CADM2: variants seen among roughly 807,000 people sequenced by gnomAD.
CADM2 encodes cell adhesion molecule 2, also known as immunoglobulin superfamily member 4D.
Under a neutral mutation model 49.8 loss-of-function variants are expected in CADM2, and 12 were observed. The ratio of observed to expected loss-of-function variants is 0.24; its 90% CI spans 0.15 to 0.39. The LOEUF (loss-of-function observed/expected upper bound fraction) is 0.39. CADM2 is among the 10% of genes least tolerant of loss of function. The pLI is 1.00. For missense variants in CADM2, 378 were observed against 492.3 expected (o/e 0.77, Z 2.20); for synonymous variants, 214 against 175.4 (o/e 1.22, Z -1.74).
intron 1 of CADM2, among the ~76,000 whole-genome samples, chr3:85,006,841 T>G (rs2033755893): frequency 6.6e-6 from 1 of 152,212 alleles, no homozygotes; most frequent in African/African-American, 2.4e-5. Context: ...TTAATTTGTC[T>G]ACTTTCTTTA....
chr3:85,928,092 A>G (rs1387051616), intron 6 of CADM2, among the ~76,000 whole-genome samples: 1 of 152,130 alleles, frequency 6.6e-6, no homozygotes, highest in Non-Finnish European at 1.5e-5. Context: ...CAGTCATTCA[A>G]ATGGAAAGTG....
At chr3:85,068,030 C>T (rs2036585833) in intron 1 of CADM2, among the ~76,000 whole-genome samples, 1 of 152,064 alleles carries the variant, frequency 6.6e-6, no homozygotes. Flanking sequence ...AGTCAGCAAA[C>T]TCCCAAAGGG....
chr3:86,058,965 A>G (rs1206892234), intron 8 of CADM2, among the ~76,000 whole-genome samples: 1 of 151,762 alleles, frequency 6.6e-6, no homozygotes, highest in Admixed American at 6.6e-5. Flanking sequence ...ATGGTGATGC[A>G]TGCCTATAAT....
chr3:85,826,171 C>T (rs1268610910), intron 3 of CADM2, among the ~76,000 whole-genome samples: 1 of 151,952 alleles, frequency 6.6e-6, no homozygotes, highest in Non-Finnish European at 1.5e-5. Flanking sequence ...TGATATGACT[C>T]ATTTATTATA....
In CADM2 at chr3:85,913,528, T is replaced by A. The variant is rs542689309; in HGVS notation, c.700+985T>A. On this transcript the variant is annotated intron_variant, in intron 6 of 9. Coordinates refer to ENST00000383699, the MANE Select transcript of CADM2 (RefSeq NM_001167675.2). ...TATGTTTCATTGCATTTTGTTTTCA[T>A]TTATTTATTCAACAATAATTTTTTA... 3.7e-3 allele frequency among the ~76,000 whole-genome samples: 564 copies of A among 152,326 alleles called. 2 individuals carry two copies. Among genetic ancestry groups the A allele is most frequent in the African/African-American group, 0.013 (540 of 41,580 alleles).
intron 1 of CADM2, among the ~76,000 whole-genome samples, chr3:85,439,732 C>T (rs1303232379): frequency 6.6e-6 from 1 of 151,838 alleles, no homozygotes; most frequent in Non-Finnish European, 1.5e-5. Flanking sequence ...CTAAAATCTT[C>T]ATAGATTTTA....
intron 2 of CADM2, among the ~76,000 whole-genome samples, chr3:85,728,879 T>A (rs1324015474): frequency 2.6e-5 from 4 of 152,160 alleles, no homozygotes; most frequent in African/African-American, 9.7e-5. Context: ...TAAAACAGAG[T>A]TCATTGAGAA....
intron 4 of CADM2, among the ~76,000 whole-genome samples, chr3:85,883,982 C>A (rs1037200328): frequency 1.4e-4 from 22 of 152,146 alleles, no homozygotes; most frequent in African/African-American, 5.3e-4. Flanking sequence ...TTTCTAGATT[C>A]CTAAATGAAG....
At chr3:85,863,996 A>G (rs1259555828) in intron 3 of CADM2, among the ~76,000 whole-genome samples, 1 of 152,156 alleles carries the variant, frequency 6.6e-6, no homozygotes, top group African/African-American at 2.4e-5. Flanking sequence ...ATTGGTTATG[A>G]AAACGTGAAG....
At chr3:85,183,820 C>A (rs1292564723) in intron 1 of CADM2, among the ~76,000 whole-genome samples, 1 of 152,032 alleles carries the variant, frequency 6.6e-6, no homozygotes, top group Non-Finnish European at 1.5e-5. Context: ...ATTTGTCTTA[C>A]TATTGTGACA....
chr3:85,005,869 A>T (rs1240273555), intron 1 of CADM2, among the ~76,000 whole-genome samples: 1 of 152,102 alleles, frequency 6.6e-6, no homozygotes, highest in African/African-American at 2.4e-5. Flanking sequence ...TTAATTTCTC[A>T]ACTTAAAGTG....
At chr3:85,474,772 T>C (rs929471197) in intron 1 of CADM2, among the ~76,000 whole-genome samples, 4 of 151,924 alleles carry the variant, frequency 2.6e-5, no homozygotes, top group African/African-American at 9.7e-5. Flanking sequence ...ACACTTAACA[T>C]GGTGCTGACA....
chr3:85,036,716 C>T (rs2035227705), intron 1 of CADM2, among the ~76,000 whole-genome samples: 1 of 151,902 alleles, frequency 6.6e-6, no homozygotes, highest in South Asian at 2.1e-4. Context: ...TTGCACAAAC[C>T]TAATAGTTTA....
intron 1 of CADM2, among the ~76,000 whole-genome samples, chr3:85,231,557 A>T (rs2107813508): frequency 6.6e-6 from 1 of 152,230 alleles, no homozygotes; most frequent in African/African-American, 2.4e-5. Context: ...AGCCACATAA[A>T]GGACACTGAG....
intron 8 of CADM2, chr3:86,013,804 T>C: frequency 3.1e-6 from 5 of 1,589,586 alleles, no homozygotes; most frequent in Non-Finnish European, 4.3e-6. Context: ...GGATTAAATA[T>C]GAAGCATTGT....
At chr3:85,987,921 G>T (rs952057884) in intron 8 of CADM2, among the ~76,000 whole-genome samples, 1 of 151,846 alleles carries the variant, frequency 6.6e-6, no homozygotes, top group East Asian at 1.9e-4. Context: ...AAATTTACAA[G>T]CTGTGCCTTT....
intron 1 of CADM2, among the ~76,000 whole-genome samples, chr3:85,275,381 G>A (rs946887879): frequency 1.3e-5 from 2 of 151,302 alleles, no homozygotes; most frequent in South Asian, 2.1e-4. Flanking sequence ...TGGGCATCCC[G>A]CTGTTTATGA....
chr3:85,177,273 T>G (rs1375283400), intron 1 of CADM2, among the ~76,000 whole-genome samples: 1 of 152,118 alleles, frequency 6.6e-6, no homozygotes, highest in African/African-American at 2.4e-5. Context: ...GTTCTCTGTG[T>G]ATATGAGTGA....
chr3:86,065,801 T>C, intron 9 of CADM2, 71 bp downstream of exon 9: 2 of 1,466,742 alleles, frequency 1.4e-6, no homozygotes, highest in South Asian at 1.3e-5. Flanking sequence ...TAAAATATGA[T>C]ATCAGTGCAT....
Sources: gnomAD v4.1 joint callset for allele counts (sites outside exome capture counted in the v4.1 genomes callset) on GRCh38, gnomAD v4.1.1 for gene constraint, MANE v1.5 for transcripts, NCBI Gene and HGNC (gene_info 2026-07-23, HGNC 2026-07-21) for gene names.